The following C9orf153 variants were observed in gnomAD, a reference collection of about 807,000 sequenced individuals.
The protein encoded by C9orf153 is uncharacterized protein C9orf153.
In C9orf153, 10 loss-of-function variants were observed where a neutral mutation model predicts 9.0. The ratio of observed to expected loss-of-function variants is 1.11; its 90% confidence interval spans 0.69 to 1.89. The LOEUF (loss-of-function observed/expected upper bound fraction) is 1.89, where lower values mean the gene tolerates loss of function less well. Among genes scored for constraint, C9orf153 ranks in the 40% most tolerant of loss-of-function variants. C9orf153 has a pLI of 0.00. For synonymous variants in C9orf153, 35 were observed against 37.3 expected, an observed-to-expected ratio of 0.94 and a Z score of 0.23; for missense variants, 108 against 111.0, an observed-to-expected ratio of 0.97 and a Z score of 0.12.
intron 2 of C9orf153, among the ~76,000 whole-genome samples, chr9:86,228,569 T>C (rs754784967): frequency 6.6e-6 from 1 of 152,170 alleles, no homozygotes; most frequent in Non-Finnish European, 1.5e-5. Context: ...GTGACATACA[T>C]TGAGTATCTG....
At chr9:86,223,861 A>G (rs925205833) in intron 3 of C9orf153, among the ~76,000 whole-genome samples, 1 of 152,212 alleles carries the variant, frequency 6.6e-6, no homozygotes, top group South Asian at 2.1e-4. Flanking sequence ...CCTTGGAGAC[A>G]TTTGAAAGCA....
chr9:86,227,316 T>TTTATTTAC, intron 3 of C9orf153: 3 of 1,338,346 alleles, frequency 2.2e-6, no homozygotes, highest in Non-Finnish European at 2.8e-6. Context: ...TCAGCTAATT[T>TTTATTTAC]TTATTTATTT....
intron 3 of C9orf153, among the ~76,000 whole-genome samples, chr9:86,224,621 T>C (rs1824277847): frequency 6.6e-6 from 1 of 152,156 alleles, no homozygotes; most frequent in African/African-American, 2.4e-5. Flanking sequence ...GAAACATATA[T>C]TGTACTCCAT....
At chr9:86,252,657 G>C (rs1274007368) in intron 1 of C9orf153, among the ~76,000 whole-genome samples, 1 of 152,124 alleles carries the variant, frequency 6.6e-6, no homozygotes, top group Non-Finnish European at 1.5e-5. Flanking sequence ...ATAAGAAATG[G>C]TGTTTAACAT....
At chr9:86,246,166 A>G (rs1228409484) in intron 1 of C9orf153, among the ~76,000 whole-genome samples, 1 of 152,230 alleles carries the variant, frequency 6.6e-6, no homozygotes, top group Non-Finnish European at 1.5e-5. Flanking sequence ...TCAGCTGCTG[A>G]GCAGTTGATC....
intron 1 of C9orf153, among the ~76,000 whole-genome samples, chr9:86,237,895 A>G (rs993703617): frequency 3.3e-5 from 5 of 152,122 alleles, no homozygotes; most frequent in African/African-American, 1.2e-4. Context: ...CCTGGCCAAC[A>G]TGGCGAAACC....
intron 1 of C9orf153, among the ~76,000 whole-genome samples, 160 bp from the exon 2 acceptor site, chr9:86,229,789 A>T (rs961958266): frequency 1.4e-4 from 21 of 152,182 alleles, no homozygotes; most frequent in Admixed American, 1.4e-3. Flanking sequence ...CTCTAAAGAA[A>T]TATCTGAAAC....
intron 3 of C9orf153, among the ~76,000 whole-genome samples, chr9:86,225,230 G>A (rs985066655): frequency 2.3e-4 from 35 of 152,232 alleles, no homozygotes; most frequent in Non-Finnish European, 3.4e-4. Context: ...TAGGAGAGTA[G>A]AAGATGAATT....
chr9:86,228,989 C>T (rs1388377262), intron 2 of C9orf153: 5 of 270,024 alleles, frequency 1.9e-5, no homozygotes, highest in African/African-American at 6.9e-5. Context: ...AAGTAAGAGG[C>T]GACAAGGGCC....
At chr9:86,243,555 T>G (rs919172146) in intron 1 of C9orf153, among the ~76,000 whole-genome samples, 10 of 150,908 alleles carry the variant, frequency 6.6e-5, no homozygotes, top group Admixed American at 1.3e-4. Flanking sequence ...AACCTCTGCC[T>G]CCCAGGTTCA....
intron 1 of C9orf153, among the ~76,000 whole-genome samples, chr9:86,249,557 T>TTC (rs1554686190): frequency 3.3e-5 from 5 of 151,652 alleles, no homozygotes; most frequent in East Asian, 1.9e-4. Context: ...CCTTTTTTTT[T>TTC]TTTTTTTTTG....
intron 2 of C9orf153, chr9:86,228,953 G>T: frequency 3.7e-6 from 1 of 273,780 alleles, no homozygotes. Context: ...GGAATATATG[G>T]ATGCATTCTC....
intron 1 of C9orf153, among the ~76,000 whole-genome samples, chr9:86,253,895 T>C (rs1825049043): frequency 1.3e-5 from 2 of 152,086 alleles, no homozygotes; most frequent in South Asian, 2.1e-4. Context: ...ATAAAGACTA[T>C]CCTGGCTAAC....
At position 86,228,031 on chromosome 9, in the gene C9orf153, C is replaced by G. The variant is rs764511082; in HGVS notation, c.67-1G>C. 6.3e-7 allele frequency: 1 copy of G among 1,577,246 alleles called. No individual in the cohort carries two copies. Among genetic ancestry groups the G allele is most frequent in the South Asian group, 1.2e-5 (1 of 84,606 alleles). On this transcript the variant is annotated splice_acceptor_variant, in intron 2 of 3. Coordinates refer to ENST00000339137, the MANE Select transcript of C9orf153 (RefSeq NM_001276366.4). LOFTEE classifies it high-confidence loss of function. ...CAATACATGCATATAATTCTGGAAG[C>G]TGTGGACAAAAAAAAAAGTGGTAAG...
At chr9:86,255,284 A>G (rs1825096304) in intron 1 of C9orf153, among the ~76,000 whole-genome samples, 1 of 152,058 alleles carries the variant, frequency 6.6e-6, no homozygotes, top group African/African-American at 2.4e-5. Flanking sequence ...AAATAAAAAT[A>G]TTTTACCCCC....
intron 1 of C9orf153, among the ~76,000 whole-genome samples, chr9:86,232,728 TTTTTC>T (rs752693741): frequency 6.6e-6 from 1 of 151,988 alleles, no homozygotes. Context: ...CTCGTAATTC[TTTTTC>T]TTTTCTTTTC....
intron 1 of C9orf153, among the ~76,000 whole-genome samples, chr9:86,240,947 C>A (rs934418824): frequency 9.2e-5 from 14 of 151,784 alleles, no homozygotes; most frequent in Non-Finnish European, 2.1e-4. Context: ...GACCTCATGA[C>A]GCGTCCACCT....
chr9:86,231,414 C>G (rs1022636099), intron 1 of C9orf153, among the ~76,000 whole-genome samples: 1 of 151,820 alleles, frequency 6.6e-6, no homozygotes, highest in African/African-American at 2.4e-5. Flanking sequence ...TACAGGGTAC[C>G]ACTGTATCAT....
intron 1 of C9orf153, among the ~76,000 whole-genome samples, chr9:86,231,762 T>C (rs1264571269): frequency 2.6e-5 from 4 of 152,190 alleles, no homozygotes; most frequent in Non-Finnish European, 5.9e-5. Flanking sequence ...TGTTTATCTC[T>C]AGGCAATTAC....
Sources: allele counts gnomAD v4.1 joint callset (sites outside exome capture counted in the v4.1 genomes callset), GRCh38; gene constraint gnomAD v4.1.1; transcripts MANE v1.5; gene names NCBI Gene and HGNC (gene_info 2026-07-23, HGNC 2026-07-21).